The following UBR1 variants were observed in gnomAD, a reference collection of about 807,000 sequenced individuals.
UBR1 encodes E3 ubiquitin-protein ligase UBR1.
Under a neutral mutation model 242.1 loss-of-function variants are expected in UBR1, and 102 were observed. The observed-to-expected ratio is 0.42, with a 90% CI of 0.36 to 0.50. The LOEUF (loss-of-function observed/expected upper bound fraction) is 0.50, where lower values mean the gene tolerates loss of function less well. Among genes scored for constraint, UBR1 ranks in the 20% least tolerant of loss-of-function variants. The pLI is 0.01. For synonymous variants in UBR1, 675 were observed against 684.8 expected (o/e 0.99, Z 0.22); for missense variants, 1,772 against 2,101.8 (o/e 0.84, Z 3.07).
intron 33 of UBR1, among the ~76,000 whole-genome samples, chr15:42,995,593 G>A (rs1221230263): frequency 6.6e-6 from 1 of 151,998 alleles, no homozygotes; most frequent in Non-Finnish European, 1.5e-5. Context: ...GCGTGAACCC[G>A]GGAGGTGGAG....
rs930246370 is a variant in UBR1, at chr15:43,054,893, G to A, written c.1288C>T (p.His430Tyr). Residue 430 changes from histidine to tyrosine, a missense_variant, in exon 12 of 47, where the codon CAT (histidine) becomes TAT (tyrosine). This residue lies in a region of UBR1 where 734 missense variants were observed against 893.3 expected (regional missense o/e 0.82). Transcript: ENST00000290650. Reference protein sequence around the residue: ...QMFTVPTLARHLIEEQNVISV... With the variant: ...QMFTVPTLARYLIEEQNVISV... Reference sequence around the variant, plus strand: ...ATAACATTCTGCTCTTCAATAAGATGTCGAGCCTGCGGAATATTTCAAGAA... The same window carrying A: ...ATAACATTCTGCTCTTCAATAAGATATCGAGCCTGCGGAATATTTCAAGAA... The A allele has an allele frequency of 2.5e-6, 4 of 1,613,916 alleles. No individual in the cohort carries two copies. The highest frequency in any genetic ancestry group is 3.4e-6 in the Non-Finnish European group (4 of 1,180,002).
chr15:43,088,843 A>C (rs1188836021), intron 1 of UBR1, among the ~76,000 whole-genome samples: 6 of 83,178 alleles, frequency 7.2e-5, no homozygotes, highest in Non-Finnish European at 1.1e-4. Context: ...TGCAACTAAC[A>C]AAAAAAAAAA....
chr15:42,943,785 C>T lies in UBR1; in HGVS notation c.*1544G>A, dbSNP rs2031688111. 1 of 152,206 alleles carries T rather than the reference C, an allele frequency of 6.6e-6. No homozygotes were observed. The highest frequency in any genetic ancestry group is 2.4e-5 in the African/African-American group (1 of 41,452). 9.4% of individuals were successfully genotyped at this position (152,206 alleles called of 1,614,324 possible). ...AAACTGAATACTGAATTTCCTGATC[C>T]TTACCTGTTATTGTTACAAATTGTT... On this transcript the variant is annotated 3_prime_UTR_variant, in exon 47 of 47. Transcript: ENST00000290650.
chr15:43,021,463 C>CTTTG, intron 26 of UBR1, 88 bp from the exon 27 acceptor site: 6 of 1,154,178 alleles, frequency 5.2e-6, no homozygotes, highest in Non-Finnish European at 6.5e-6. Context: ...CCCCTGTGGA[C>CTTTG]ATCAAAGTCC....
At position 43,060,049 on chromosome 15, in the gene UBR1, T is replaced by C; in HGVS notation, c.861+3A>G. 6.2e-7 allele frequency: 1 copy of C among 1,614,100 alleles called. No homozygotes were observed. The highest frequency in any genetic ancestry group is 8.5e-7 in the Non-Finnish European group (1 of 1,179,966). ...TCTTTTTCCCCCTAATTCAGAAAGT[T>C]ACCTTTATATCTTCCTTTGCTTCCT... On this transcript the variant is annotated splice_donor_region_variant and intron_variant, in intron 7 of 46. Coordinates refer to ENST00000290650, the MANE Select transcript of UBR1 (RefSeq NM_174916.3).
chr15:43,075,140 T>C, intron 3 of UBR1, 51 bp from the exon 4 acceptor site: 4 of 1,310,746 alleles, frequency 3.1e-6, no homozygotes, highest in Non-Finnish European at 3.3e-6. Flanking sequence ...TTACTAAGCA[T>C]GAAGAATGAT....
At chr15:43,095,430 C>T (rs2034147828) in intron 1 of UBR1, among the ~76,000 whole-genome samples, 1 of 151,690 alleles carries the variant, frequency 6.6e-6, no homozygotes, top group Non-Finnish European at 1.5e-5. Context: ...TCCTGGGCAG[C>T]AAGTGGGCAG....
intron 3 of UBR1, among the ~76,000 whole-genome samples, chr15:43,077,175 G>A (rs1204088569): frequency 1.4e-5 from 2 of 145,992 alleles, no homozygotes; most frequent in Non-Finnish European, 3.0e-5. Flanking sequence ...TTGGGGATGG[G>A]CCATGATGAC....
At chr15:42,950,542 T>C (rs997427383) in intron 45 of UBR1, 179 bp from the exon 46 acceptor site, 55 of 614,468 alleles carry the variant, frequency 9.0e-5, no homozygotes, top group Non-Finnish European at 1.6e-4. Flanking sequence ...AGAACACTTA[T>C]TGCTATTTCT....
At chr15:43,022,910 TG>T in intron 25 of UBR1, 109 bp from the exon 26 acceptor site, 1 of 638,290 alleles carries the variant, frequency 1.6e-6, no homozygotes, top group Non-Finnish European at 2.7e-6. Context: ...TCACCCAGGT[TG>T]GAGTGCAGTG....
intron 20 of UBR1, among the ~76,000 whole-genome samples, chr15:43,030,317 C>T (rs1316140489): frequency 6.6e-6 from 1 of 152,182 alleles, no homozygotes; most frequent in East Asian, 1.9e-4. Context: ...AACAAACACA[C>T]ATACATATAC....
At chr15:43,076,745 T>C (rs8029365) in intron 3 of UBR1, among the ~76,000 whole-genome samples, 137,683 of 139,044 alleles carry the variant, frequency 0.99, 68,197 homozygotes, top group South Asian at 1. Flanking sequence ...CGTCTCCGCC[T>C]GGCAGCCACC....
intron 10 of UBR1, among the ~76,000 whole-genome samples, chr15:43,057,763 T>C (rs892839988): frequency 1.3e-5 from 2 of 152,186 alleles, no homozygotes; most frequent in Non-Finnish European, 2.9e-5. Flanking sequence ...AATAAATGAT[T>C]AGGAAGACTG....
chr15:43,020,161 T>A (rs2033090336), intron 27 of UBR1, among the ~76,000 whole-genome samples: 1 of 152,170 alleles, frequency 6.6e-6, no homozygotes, highest in Admixed American at 6.5e-5. Flanking sequence ...TGCCTCAGCC[T>A]CCCAAGTAGC....
chr15:43,076,049 C>T (rs1237671919), intron 3 of UBR1, among the ~76,000 whole-genome samples: 2 of 152,118 alleles, frequency 1.3e-5, no homozygotes. Flanking sequence ...GTACTGCTGC[C>T]ATCTCGGCTC....
rs1465347996 is a variant in UBR1, at chr15:43,017,112, A to G, written c.3010T>C (p.Ser1004Pro). The change falls in exon 28 of 47, where the codon TCT becomes CCT. Residue 1004 changes from serine to proline, a missense_variant. By Grantham distance (74) the Ser-to-Pro change is moderately conservative. Transcript: ENST00000290650. ...TGTCATACCTCATCATTCTTAATAG[A>G]TTCCGATCCTGATGTGGTTGCTACA... ...LIVATTSGSE[S>P]IKNDEITHDK... 1 of 1,613,338 alleles carries G rather than the reference A, an allele frequency of 6.2e-7. No homozygotes were observed. Among genetic ancestry groups the G allele is most frequent in the Non-Finnish European group, 8.5e-7 (1 of 1,179,412 alleles).
chr15:43,052,063 T>C lies in UBR1; in HGVS notation c.1439+2679A>G, dbSNP rs377057294. 1.6e-3 allele frequency among the ~76,000 whole-genome samples: 250 copies of C among 152,248 alleles called. 1 individual carries two copies. Among genetic ancestry groups the C allele is most frequent in the South Asian group, 8.5e-3 (41 of 4,834 alleles). Reference sequence around the variant, plus strand: ...CCAAAAAGCAAGTGACAAAACTAAATAGACATAAATTTTTTAGAATAAGAG... The same window carrying C: ...CCAAAAAGCAAGTGACAAAACTAAACAGACATAAATTTTTTAGAATAAGAG... On this transcript the variant is annotated intron_variant, in intron 12 of 46. Coordinates refer to ENST00000290650, the MANE Select transcript of UBR1 (RefSeq NM_174916.3).
Position 42,942,996 on chromosome 15 carries a change from T to A in UBR1, c.*2333A>T, listed in dbSNP as rs955147219. 1 of 152,666 alleles carries A rather than the reference T, an allele frequency of 6.6e-6. No homozygotes were observed. Among genetic ancestry groups the A allele is most frequent in the African/African-American group, 2.4e-5 (1 of 41,470 alleles). 9.5% of individuals were successfully genotyped at this position (152,666 alleles called of 1,614,324 possible). A position where few individuals can be genotyped will look rare whatever the true frequency, so the allele number is the denominator to read the frequency against. On this transcript the variant is annotated 3_prime_UTR_variant, in exon 47 of 47. Transcript: ENST00000290650. Reference sequence around the variant, plus strand: ...TTTTGCAATAAAAGTTATCAATATATGCATTATTTGTATAACTTCATCATG... The same window carrying A: ...TTTTGCAATAAAAGTTATCAATATAAGCATTATTTGTATAACTTCATCATG...
chr15:42,987,339 C>G lies in UBR1; in HGVS notation c.3997+1480G>C, dbSNP rs150970024. Among the ~76,000 whole-genome samples, 254 of 152,326 alleles carry G rather than the reference C, an allele frequency of 1.7e-3. 1 individual carries two copies. The Middle Eastern group carries it at 0.027, about 16-fold the overall frequency. On this transcript the variant is annotated intron_variant, in intron 35 of 46. Coordinates refer to ENST00000290650, the MANE Select transcript of UBR1 (RefSeq NM_174916.3). ...AAGGGCAGGTGCCCGTGGCCTGGAA[C>G]CTGCCTTTGCCAAGGCACTGAAAGC...
Sources: gnomAD v4.1 joint callset for allele counts (sites outside exome capture counted in the v4.1 genomes callset) on GRCh38, gnomAD v4.1.1 for gene constraint, gnomAD v4.1.1 regional missense constraint, MANE v1.5 for transcripts, NCBI Gene and HGNC (gene_info 2026-07-23, HGNC 2026-07-21) for gene names.